Variants in OVOL2 observed in about 807,000 individuals in gnomAD.
The protein encoded by OVOL2 is ovo like zinc finger 2, also known as transcription factor Ovo-like 2.
OVOL2 carries 13 observed loss-of-function variants against 18.1 expected under a neutral mutation model. The ratio of observed to expected loss-of-function variants is 0.72; its 90% CI spans 0.47 to 1.14. The LOEUF (loss-of-function observed/expected upper bound fraction) is 1.14. OVOL2 is among the 50% of genes most tolerant of loss of function. The pLI is 0.00. For missense variants in OVOL2, 335 were observed against 383.0 expected, an observed-to-expected ratio of 0.87 and a Z score of 1.05; for synonymous variants, 166 against 162.7, an observed-to-expected ratio of 1.02 and a Z score of -0.16.
intron 3 of OVOL2, among the ~76,000 whole-genome samples, chr20:18,041,190 G>A (rs1420389296): frequency 6.6e-6 from 1 of 151,824 alleles, no homozygotes; most frequent in Non-Finnish European, 1.5e-5. Flanking sequence ...TTGAGATGGA[G>A]TCTTGCAATG....
upstream of OVOL2, among the ~76,000 whole-genome samples, chr20:18,058,498 C>A (rs1288721009): frequency 6.7e-6 from 1 of 148,886 alleles, no homozygotes; most frequent in African/African-American, 2.5e-5. Context: ...CTAAGAAAAA[C>A]AAGCCTTGCC....
At chr20:18,032,792 C>T (rs2036583358) in intron 3 of OVOL2, among the ~76,000 whole-genome samples, 1 of 152,080 alleles carries the variant, frequency 6.6e-6, no homozygotes, top group Non-Finnish European at 1.5e-5. Context: ...CAGGTGTGAG[C>T]CACCGCACCT....
At chr20:18,039,175 C>T (rs1484922704) in intron 3 of OVOL2, among the ~76,000 whole-genome samples, 1 of 152,170 alleles carries the variant, frequency 6.6e-6, no homozygotes, top group East Asian at 1.9e-4. Flanking sequence ...GGGGTAGTGA[C>T]TTCTAGTGGC....
At chr20:18,050,376 T>A (rs2036761855) in intron 2 of OVOL2, among the ~76,000 whole-genome samples, 1 of 152,232 alleles carries the variant, frequency 6.6e-6, no homozygotes, top group African/African-American at 2.4e-5. Flanking sequence ...AGCTTCCTGA[T>A]TGGGCAGCAG....
intron 3 of OVOL2, among the ~76,000 whole-genome samples, chr20:18,038,236 G>T (rs1373391603): frequency 6.6e-6 from 1 of 152,098 alleles, no homozygotes; most frequent in Admixed American, 6.5e-5. Context: ...TACACATCAG[G>T]TCCTCAGGAA....
chr20:18,049,526 T>C (rs2036753295), intron 2 of OVOL2, among the ~76,000 whole-genome samples: 1 of 151,270 alleles, frequency 6.6e-6, no homozygotes, highest in Non-Finnish European at 1.5e-5. Flanking sequence ...TAAGCATATT[T>C]CCCCAATTCG....
At position 18,030,181 on chromosome 20, in the gene OVOL2, T is replaced by C. The variant is rs116574681; in HGVS notation, c.512-5229A>G. 5.6e-3 allele frequency among the ~76,000 whole-genome samples: 855 copies of C among 152,338 alleles called. 9 individuals are homozygous for C. Among genetic ancestry groups the C allele is most frequent in the African/African-American group, 0.019 (810 of 41,576 alleles). Reference sequence around the variant, plus strand: ...AGGAATGCGCCCGCTCTAGCTTTCATGTTTGCACTGTAATGCAGACTTTGT... The same window carrying C: ...AGGAATGCGCCCGCTCTAGCTTTCACGTTTGCACTGTAATGCAGACTTTGT... On this transcript the variant is annotated intron_variant, in intron 3 of 3. Coordinates refer to ENST00000278780, the MANE Select transcript of OVOL2 (RefSeq NM_021220.4).
At chr20:18,054,272 G>T (rs2036796684) in intron 2 of OVOL2, among the ~76,000 whole-genome samples, 1 of 152,234 alleles carries the variant, frequency 6.6e-6, no homozygotes, top group Admixed American at 6.5e-5. Context: ...CAAAGCCAGA[G>T]CTTATATGAT....
Position 18,057,729 on chromosome 20 carries a change from G to A in OVOL2, c.-95C>T. On this transcript the variant is annotated 5_prime_UTR_variant, in exon 1 of 4. Transcript: ENST00000278780. This position sits in a 1 kb window ranked among gnomAD's most constrained non-coding sequence, Gnocchi z 6.3. Reference sequence around the variant, plus strand: ...CTCCGTCCCCGGCTCCCGGCGGCCAGAGCCCACCTTCCCGCCTCGCCTGCC... The same window carrying A: ...CTCCGTCCCCGGCTCCCGGCGGCCAAAGCCCACCTTCCCGCCTCGCCTGCC... 2 of 1,454,154 alleles carry A rather than the reference G, an allele frequency of 1.4e-6. No homozygotes were observed. The highest frequency in any genetic ancestry group is 9.0e-7 in the Non-Finnish European group (1 of 1,106,580). 90.1% of individuals were successfully genotyped at this position (1,454,154 alleles called of 1,614,324 possible). A position where few individuals can be genotyped will look rare whatever the true frequency, so the allele number is the denominator to read the frequency against.
chr20:18,037,093 G>A lies in OVOL2; in HGVS notation c.511+4441C>T, dbSNP rs563969019. On this transcript the variant is annotated intron_variant, in intron 3 of 3. Transcript: ENST00000278780. The stretch of plus-strand genomic sequence containing the variant: ...GGAGCTTGCAGTGAGCCGAGATCGC[G>A]CCACCGCACTCCAGCCTGGGCGACA... Among the ~76,000 whole-genome samples, 28 of 143,294 alleles carry A rather than the reference G, an allele frequency of 2.0e-4. 1 individual carries two copies. The South Asian group carries it at 4.3e-3, about 22-fold the overall frequency. The allele number at this position is 143,294 out of a possible 152,430, so 94.0% of individuals were successfully genotyped here. A position where few individuals can be genotyped will look rare whatever the true frequency, so the allele number is the denominator to read the frequency against.
At chr20:18,044,469 T>C (rs2036706628) in intron 2 of OVOL2, among the ~76,000 whole-genome samples, 1 of 151,818 alleles carries the variant, frequency 6.6e-6, no homozygotes, top group Non-Finnish European at 1.5e-5. Context: ...ATGCAGAGAG[T>C]CTCAAGGGAG....
At position 18,041,738 on chromosome 20, in the gene OVOL2, A is replaced by G. The variant is rs201968695; in HGVS notation, c.322-15T>C. ...CCTGTGGTGAACTGGGGGCAGAGAG[A>G]GGCCATGAGGGTCCCCGGGCAGGCA... On this transcript the variant is annotated splice_polypyrimidine_tract_variant and intron_variant, in intron 2 of 3. Transcript: ENST00000278780. 6.2e-7 allele frequency: 1 copy of G among 1,600,226 alleles called. No individual in the cohort carries two copies. Among genetic ancestry groups the G allele is most frequent in the East Asian group, 2.2e-5 (1 of 44,494 alleles).
chr20:18,027,402 C>T (rs2036529076), intron 3 of OVOL2, among the ~76,000 whole-genome samples: 1 of 151,900 alleles, frequency 6.6e-6, no homozygotes, highest in Non-Finnish European at 1.5e-5. Flanking sequence ...ATGGCACATG[C>T]CTGTAATCCC....
chr20:18,035,678 C>T (rs1433146882), intron 3 of OVOL2, among the ~76,000 whole-genome samples: 1 of 152,196 alleles, frequency 6.6e-6, no homozygotes, highest in African/African-American at 2.4e-5. Flanking sequence ...TGTCAGGAAG[C>T]CCCCGGCTGC....
chr20:18,040,095 T>G (rs1260577024), intron 3 of OVOL2, among the ~76,000 whole-genome samples: 1 of 152,108 alleles, frequency 6.6e-6, no homozygotes, highest in Non-Finnish European at 1.5e-5. Flanking sequence ...TGGCTAATTT[T>G]TAAATTTTCT....
Position 18,056,679 on chromosome 20 carries a change from G to C in OVOL2, c.299C>G (p.Pro100Arg). Residue 100 changes from proline (P) to arginine (R), a missense_variant, in exon 2 of 4, where the codon CCG (proline) becomes CGG (arginine). Physicochemically the swap from Pro to Arg is moderately radical, Grantham distance 103. Transcript: ENST00000278780. The surrounding 1 kb of genome is among the most constrained non-coding windows in gnomAD (Gnocchi z 4.2). Reference sequence around the variant, plus strand: ...TACCTTGATTTTCGATCTGGCGACCGGGCGCTGCTTGGTCGCCAGGTGTCC... The same window carrying C: ...TACCTTGATTTTCGATCTGGCGACCCGGCGCTGCTTGGTCGCCAGGTGTCC... ...PDGHLATKQR[P>R]VARSKIKFTT... is the part of the protein sequence containing the mutation. 2.8e-6 allele frequency: 4 copies of C among 1,433,446 alleles called. No homozygotes were observed. Among genetic ancestry groups the C allele is most frequent in the Non-Finnish European group, 2.7e-6 (3 of 1,097,406 alleles). 88.8% of individuals were successfully genotyped at this position (1,433,446 alleles called of 1,614,324 possible). A position where few individuals can be genotyped will look rare whatever the true frequency, so the allele number is the denominator to read the frequency against.
chr20:18,034,947 C>G lies in OVOL2; in HGVS notation c.511+6587G>C, dbSNP rs111436162. 1.6e-3 allele frequency among the ~76,000 whole-genome samples: 247 copies of G among 152,222 alleles called. 1 individual carries two copies. Among genetic ancestry groups the G allele is most frequent in the Non-Finnish European group, 2.4e-3 (163 of 68,016 alleles). ...GCCCACCTCATCAATATTATAGCTA[C>G]AATTCTCCAACAAAGGGTCCTCGGC... On this transcript the variant is annotated intron_variant, in intron 3 of 3. Coordinates refer to ENST00000278780, the MANE Select transcript of OVOL2 (RefSeq NM_021220.4).
At position 18,057,801 on chromosome 20, in the gene OVOL2, C is replaced by A. The variant is rs1282358888; in HGVS notation, c.-167G>T. ...CGGCGCGGCCCAGGCCTCTCCCCCGCACGCCTGGCGACTCCCAGCCTCCCG... is the reference window on the plus strand; with the variant it reads ...CGGCGCGGCCCAGGCCTCTCCCCCGAACGCCTGGCGACTCCCAGCCTCCCG... On this transcript the variant is annotated 5_prime_UTR_variant, in exon 1 of 4. Coordinates refer to ENST00000278780, the MANE Select transcript of OVOL2 (RefSeq NM_021220.4). This position sits in a 1 kb window ranked among gnomAD's most constrained non-coding sequence, Gnocchi z 6.3. The A allele has an allele frequency of 3.6e-6, 5 of 1,373,730 alleles. No homozygotes were observed. The allele number at this position is 1,373,730 out of a possible 1,614,324, so 85.1% of individuals were successfully genotyped here. A position where few individuals can be genotyped will look rare whatever the true frequency, so the allele number is the denominator to read the frequency against.
intron 2 of OVOL2, among the ~76,000 whole-genome samples, chr20:18,055,621 T>G (rs928535877): frequency 1.3e-5 from 2 of 152,190 alleles, no homozygotes; most frequent in Non-Finnish European, 2.9e-5. Context: ...ATACGCAATG[T>G]GCATAGGGGA....
Sources: gnomAD v4.1 joint callset for allele counts (sites outside exome capture counted in the v4.1 genomes callset) on GRCh38, gnomAD v4.1.1 for gene constraint, Gnocchi (gnomAD v3.1) non-coding constraint, MANE v1.5 for transcripts, NCBI Gene and HGNC (gene_info 2026-07-23, HGNC 2026-07-21) for gene names.